DNAJC1: variants seen among roughly 807,000 people sequenced by gnomAD.
The protein encoded by DNAJC1 is dnaJ homolog subfamily C member 1.
In DNAJC1, 58 loss-of-function variants were observed where a neutral mutation model predicts 76.6. That is an observed-to-expected ratio of 0.76 (90% CI 0.61 to 0.94). The LOEUF (loss-of-function observed/expected upper bound fraction) is 0.94, where lower values mean the gene tolerates loss of function less well. Ranked by LOEUF, DNAJC1 falls within the 40% of genes least tolerant of loss-of-function variation. The probability of loss-of-function intolerance (pLI) is 0.00; values close to 1 mark genes in which losing one functional copy is unlikely to be tolerated. For synonymous variants in DNAJC1, 258 were observed against 267.9 expected (o/e 0.96, Z 0.36); for missense variants, 689 against 677.3 (o/e 1.02, Z -0.19).
rs193269338 is a variant in DNAJC1 at position 21,944,756 on chromosome 10, T to C, written c.223-15615A>G. 3.6e-3 allele frequency among the ~76,000 whole-genome samples: 553 copies of C among 152,246 alleles called. 17 individuals are homozygous for C. Among genetic ancestry groups the C allele is most frequent in the Non-Finnish European group, 8.2e-4 (56 of 68,002 alleles). ...ATATACTGTTTTTGTCAATTATACC[T>C]CAATAAAGCTGGAAAATAAAAAATA... is the stretch of plus-strand genomic sequence containing the variant. On this transcript the variant is annotated intron_variant, in intron 1 of 11. Transcript: ENST00000376980.
At chr10:21,797,949 A>T (rs1418814835) in intron 9 of DNAJC1, among the ~76,000 whole-genome samples, 1 of 152,234 alleles carries the variant, frequency 6.6e-6, no homozygotes, top group African/African-American at 2.4e-5. Flanking sequence ...TGTCATGAAA[A>T]AAATTCAAAG....
chr10:21,844,308 A>G (rs1336132423), intron 8 of DNAJC1, among the ~76,000 whole-genome samples: 2 of 151,640 alleles, frequency 1.3e-5, no homozygotes, highest in African/African-American at 2.4e-5. Flanking sequence ...GGGTTTCACA[A>G]CGTTGCCCAG....
chr10:21,828,265 A>C (rs572577286), intron 8 of DNAJC1, among the ~76,000 whole-genome samples: 1 of 152,364 alleles, frequency 6.6e-6, no homozygotes, highest in East Asian at 1.9e-4. Flanking sequence ...CCATGTGCCC[A>C]GCTAGGCACT....
At chr10:21,768,931 T>C (rs1276592768) in intron 9 of DNAJC1, among the ~76,000 whole-genome samples, 1 of 152,312 alleles carries the variant, frequency 6.6e-6, no homozygotes, top group Admixed American at 6.5e-5. Flanking sequence ...ATGAGATGCA[T>C]CCCATAAATC....
At chr10:21,997,426 T>C (rs534641638) in intron 1 of DNAJC1, among the ~76,000 whole-genome samples, 174 of 152,370 alleles carry the variant, frequency 1.1e-3, no homozygotes, top group African/African-American at 4.0e-3. Context: ...AGGGTAAGTC[T>C]GGTTAGGATA....
intron 9 of DNAJC1, among the ~76,000 whole-genome samples, chr10:21,802,787 GC>G (rs1834827440): frequency 6.6e-6 from 1 of 152,062 alleles, no homozygotes; most frequent in South Asian, 2.1e-4. Flanking sequence ...GAAATCTGGG[GC>G]CCCCTGACCT....
intron 6 of DNAJC1, among the ~76,000 whole-genome samples, chr10:21,910,446 G>C (rs544025265): frequency 4.7e-4 from 72 of 152,218 alleles, no homozygotes; most frequent in African/African-American, 1.6e-3. Context: ...AGTGATAAGA[G>C]AACATGCTAA....
At chr10:21,927,718 C>G (rs948283263) in intron 3 of DNAJC1, among the ~76,000 whole-genome samples, 1 of 151,748 alleles carries the variant, frequency 6.6e-6, no homozygotes, top group African/African-American at 2.4e-5. Context: ...TGTGTGTGTG[C>G]GTATGTGTTG....
At chr10:21,856,095 G>A (rs1179927818) in intron 8 of DNAJC1, among the ~76,000 whole-genome samples, 2 of 152,158 alleles carry the variant, frequency 1.3e-5, no homozygotes, top group South Asian at 2.1e-4. Flanking sequence ...TAGACTTAGA[G>A]TGGGAATTTT....
At chr10:21,774,965 T>C (rs1834434435) in intron 9 of DNAJC1, among the ~76,000 whole-genome samples, 1 of 152,202 alleles carries the variant, frequency 6.6e-6, no homozygotes. Flanking sequence ...AAGAACAAAC[T>C]TCCTGTTTCT....
intron 1 of DNAJC1, among the ~76,000 whole-genome samples, chr10:21,936,901 A>G (rs889998335): frequency 6.6e-6 from 1 of 152,206 alleles, no homozygotes; most frequent in African/African-American, 2.4e-5. Context: ...GAAAACAAAT[A>G]GCAAAATAGC....
At chr10:21,968,852 G>T (rs1310169136) in intron 1 of DNAJC1, among the ~76,000 whole-genome samples, 1 of 152,102 alleles carries the variant, frequency 6.6e-6, no homozygotes, top group Non-Finnish European at 1.5e-5. Flanking sequence ...CGCTGCTGCA[G>T]CAATAATAAG....
chr10:21,962,602 G>A (rs1192773827), intron 1 of DNAJC1, among the ~76,000 whole-genome samples: 2 of 148,308 alleles, frequency 1.3e-5, no homozygotes, highest in African/African-American at 2.5e-5. Context: ...TGAGTAGCCG[G>A]GACCACAGGT....
chr10:21,759,307 T>G lies in DNAJC1; in HGVS notation c.1459A>C (p.Lys487Gln). ...TCCTCTGCAGACCGAGCTCTCTCTTTTCTCAGGCTCTCCTCGTCGCTGGAC... is the reference window on the plus strand; with the variant it reads ...TCCTCTGCAGACCGAGCTCTCTCTTGTCTCAGGCTCTCCTCGTCGCTGGAC... ...NESSDEESLRKERARSAEEPW... is the reference protein window; with the variant it reads ...NESSDEESLRQERARSAEEPW... The change falls in exon 11 of 12, where the codon AAA becomes CAA. Residue 487 changes from lysine (K) to glutamine (Q), a missense_variant. By Grantham distance (53) the Lys-to-Gln change is moderately conservative. Coordinates refer to ENST00000376980, the MANE Select transcript of DNAJC1 (RefSeq NM_022365.4). 6.2e-7 allele frequency: 1 copy of G among 1,614,252 alleles called. No homozygotes were observed. The highest frequency in any genetic ancestry group is 8.5e-7 in the Non-Finnish European group (1 of 1,180,042).
At chr10:21,845,910 G>T (rs1835652274) in intron 8 of DNAJC1, among the ~76,000 whole-genome samples, 1 of 152,010 alleles carries the variant, frequency 6.6e-6, no homozygotes, top group Non-Finnish European at 1.5e-5. Flanking sequence ...TTACCTATTT[G>T]AATTAAGAAA....
At chr10:21,791,335 G>C (rs1326364253) in intron 9 of DNAJC1, among the ~76,000 whole-genome samples, 1 of 152,160 alleles carries the variant, frequency 6.6e-6, no homozygotes, top group Non-Finnish European at 1.5e-5. Flanking sequence ...AGATCATTCA[G>C]ACAGGAAATC....
At chr10:21,908,553 C>T (rs975832982) in intron 6 of DNAJC1, among the ~76,000 whole-genome samples, 1 of 145,614 alleles carries the variant, frequency 6.9e-6, no homozygotes, top group Non-Finnish European at 1.5e-5. Context: ...AAAATAAGCA[C>T]AAAAACTTAT....
chr10:21,947,520 TTTC>T (rs1362000493), intron 1 of DNAJC1, among the ~76,000 whole-genome samples: 2 of 152,178 alleles, frequency 1.3e-5, no homozygotes, highest in African/African-American at 4.8e-5. Flanking sequence ...CTCTTATGAT[TTTC>T]TTAATAACAT....
chr10:21,985,193 G>T (rs1838222433), intron 1 of DNAJC1, among the ~76,000 whole-genome samples: 1 of 150,524 alleles, frequency 6.6e-6, no homozygotes, highest in African/African-American at 2.4e-5. Context: ...ATCCTACAGA[G>T]ATCTCTCCCA....
Sources: allele counts gnomAD v4.1 joint callset (sites outside exome capture counted in the v4.1 genomes callset), GRCh38; gene constraint gnomAD v4.1.1; transcripts MANE v1.5; gene names NCBI Gene and HGNC (gene_info 2026-07-23, HGNC 2026-07-21).